PXN: variants seen among roughly 807,000 people sequenced by gnomAD.
PXN encodes the protein paxillin, also known as testicular tissue protein Li 134.
PXN carries 61 observed loss-of-function variants against 103.6 expected under a neutral mutation model. That is an observed-to-expected ratio of 0.59 (90% CI 0.48 to 0.73). The LOEUF is 0.73. PXN is among the 30% of genes least tolerant of loss of function. PXN has a pLI of 0.00. For missense variants in PXN, 1,274 were observed against 1,460.3 expected (o/e 0.87, Z 2.08); for synonymous variants, 562 against 607.8 (o/e 0.92, Z 1.11).
chr12:120,260,189 A>G (rs1012429711), intron 1 of PXN, among the ~76,000 whole-genome samples: 1 of 152,136 alleles, frequency 6.6e-6, no homozygotes, highest in African/African-American at 2.4e-5. Context: ...AGGACCCTGC[A>G]TCCCATCCTG....
chr12:120,245,411 C>T (rs1399282853), intron 1 of PXN, among the ~76,000 whole-genome samples: 6 of 149,152 alleles, frequency 4.0e-5, no homozygotes, highest in Admixed American at 6.7e-5. Context: ...CGTTCTCAGA[C>T]GAGAATGGGA....
intron 1 of PXN, among the ~76,000 whole-genome samples, chr12:120,258,520 C>A (rs887204613): frequency 6.6e-6 from 1 of 152,164 alleles, no homozygotes; most frequent in Non-Finnish European, 1.5e-5. Context: ...TCATTCAGGC[C>A]AACCATAGGC....
intron 7 of PXN, among the ~76,000 whole-genome samples, chr12:120,218,767 T>C (rs1346744117): frequency 6.6e-6 from 1 of 152,264 alleles, no homozygotes; most frequent in African/African-American, 2.4e-5. Flanking sequence ...TTCTAAACAC[T>C]TTCCAGGAAT....
intron 1 of PXN, among the ~76,000 whole-genome samples, chr12:120,230,694 G>T (rs1485469194): frequency 6.6e-6 from 1 of 151,520 alleles, no homozygotes; most frequent in Non-Finnish European, 1.5e-5. Context: ...TAGAGCAGAG[G>T]TAATCTAATC....
chr12:120,234,387 C>T (rs545661671), intron 1 of PXN, among the ~76,000 whole-genome samples: 3 of 151,962 alleles, frequency 2.0e-5, no homozygotes, highest in East Asian at 1.9e-4. Flanking sequence ...CCAGCCTGGG[C>T]GACAGAGTAA....
chr12:120,218,129 C>T (rs1023365626), intron 7 of PXN, among the ~76,000 whole-genome samples: 1 of 149,826 alleles, frequency 6.7e-6, no homozygotes, highest in Non-Finnish European at 1.5e-5. Flanking sequence ...ACTGCAGCCT[C>T]AAACTCCTGG....
chr12:120,261,386 TCAC>T (rs1893862406), intron 1 of PXN, among the ~76,000 whole-genome samples: 1 of 152,154 alleles, frequency 6.6e-6, no homozygotes, highest in South Asian at 2.1e-4. Flanking sequence ...AGATTGGGTT[TCAC>T]CACATTGGCC....
intron 1 of PXN, among the ~76,000 whole-genome samples, chr12:120,263,718 A>C (rs1020900300): frequency 6.6e-6 from 1 of 152,218 alleles, no homozygotes; most frequent in African/African-American, 2.4e-5. Flanking sequence ...AGTACTCCAC[A>C]AACAGCAATT....
Position 120,215,022 on chromosome 12 carries a change from C to T in PXN, c.2575-24G>A, listed in dbSNP as rs1199907788. On this transcript the variant is annotated intron_variant, in intron 11 of 14. Transcript: ENST00000637617. The surrounding 1 kb of genome is among the most constrained non-coding windows in gnomAD (Gnocchi z 4.9). ...ACCTGAGGAGGAGATGGAATGCGGT[C>T]CAGGGCCAAGGCCAGCCCCGGAGCA... is the stretch of plus-strand genomic sequence containing the variant. 2.5e-6 allele frequency: 4 copies of T among 1,609,938 alleles called. No individual in the cohort carries two copies. In the African/African-American group the frequency reaches 4.0e-5, roughly 16 times the overall value.
rs967903859 is a variant in PXN, at chr12:120,219,155, C to A, written c.1716+52G>T. ...CATGCAGTTAGCGAGGAGCGGCCCA[C>A]ACTCAGACCCGCCAATGGCCATGCC... is the stretch of plus-strand genomic sequence containing the variant. On this transcript the variant is annotated intron_variant, in intron 7 of 14. Transcript: ENST00000637617. This position sits in a 1 kb window ranked among gnomAD's most constrained non-coding sequence, Gnocchi z 6.5. The A allele has an allele frequency of 6.8e-7, 1 of 1,469,834 alleles. No individual in the cohort carries two copies. Among genetic ancestry groups the A allele is most frequent in the African/African-American group, 1.4e-5 (1 of 71,240 alleles). The allele number at this position is 1,469,834 out of a possible 1,614,324, so 91.0% of individuals were successfully genotyped here. A position where few individuals can be genotyped will look rare whatever the true frequency, so the allele number is the denominator to read the frequency against.
At chr12:120,255,820 C>T (rs536149667) in intron 1 of PXN, among the ~76,000 whole-genome samples, 4 of 151,630 alleles carry the variant, frequency 2.6e-5, no homozygotes, top group South Asian at 2.1e-4. Flanking sequence ...CCGAGGTGGG[C>T]GGATTACCTG....
intron 1 of PXN, among the ~76,000 whole-genome samples, chr12:120,231,576 T>C (rs936831639): frequency 2.6e-5 from 4 of 151,852 alleles, no homozygotes; most frequent in Non-Finnish European, 5.9e-5. Context: ...GAGGGGGTGG[T>C]CATTTGGATG....
chr12:120,221,543 A>T lies in PXN; in HGVS notation c.831+80T>A, dbSNP rs1885150982. 1.5e-5 allele frequency: 22 copies of T among 1,443,460 alleles called. 1 individual carries two copies. The East Asian group carries it at 5.3e-4, about 35-fold the overall frequency. The allele number at this position is 1,443,460 out of a possible 1,614,324, so 89.4% of individuals were successfully genotyped here. On this transcript the variant is annotated intron_variant, in intron 6 of 14. Transcript: ENST00000637617. The surrounding 1 kb of genome is among the most constrained non-coding windows in gnomAD (Gnocchi z 6.6). ...CCCAAACACTGAGATGCCAAGATCCAGCTACCCACACTGAGGTAAGGGAGG... is the reference window on the plus strand; with the variant it reads ...CCCAAACACTGAGATGCCAAGATCCTGCTACCCACACTGAGGTAAGGGAGG...
chr12:120,240,650 G>A (rs912060054), intron 1 of PXN, among the ~76,000 whole-genome samples: 1 of 152,194 alleles, frequency 6.6e-6, no homozygotes, highest in Non-Finnish European at 1.5e-5. Flanking sequence ...GAAGGGCACT[G>A]CTGATCCTCC....
chr12:120,222,830 C>G lies in PXN; in HGVS notation c.493+33G>C. On this transcript the variant is annotated intron_variant, in intron 4 of 14. Transcript: ENST00000637617. The surrounding 1 kb of genome is among the most constrained non-coding windows in gnomAD (Gnocchi z 4.7). The stretch of plus-strand genomic sequence containing the variant: ...GAGGTCAGCAGATGGGCCCTGGGCC[C>G]TGGTAGACCCTGCCCCAGGGACCCG... The G allele has an allele frequency of 6.2e-7, 1 of 1,610,486 alleles. No individual in the cohort carries two copies. Among genetic ancestry groups the G allele is most frequent in the East Asian group, 2.2e-5 (1 of 44,742 alleles).
chr12:120,246,528 AAAAAAGAAAAAAGAAAAG>A (rs1259854977), intron 1 of PXN, among the ~76,000 whole-genome samples: 29 of 149,280 alleles, frequency 1.9e-4, no homozygotes, highest in African/African-American at 6.9e-4. Flanking sequence ...AAAAAAAAAA[AAAAAAGAAAAAAGAAAAG>A]AAAAAGAAAA....
At chr12:120,239,625 T>C (rs983997141) in intron 1 of PXN, among the ~76,000 whole-genome samples, 15 of 151,994 alleles carry the variant, frequency 9.9e-5, no homozygotes, top group African/African-American at 2.9e-4. Flanking sequence ...TGCATGCCTG[T>C]AATCCCAGCT....
chr12:120,263,624 G>T (rs1033502736), intron 1 of PXN, among the ~76,000 whole-genome samples: 4 of 152,204 alleles, frequency 2.6e-5, no homozygotes, highest in Non-Finnish European at 5.9e-5. Context: ...CTGTAAAAAG[G>T]CAGGTGGTCA....
At chr12:120,260,836 A>G (rs956380666) in intron 1 of PXN, among the ~76,000 whole-genome samples, 2 of 152,170 alleles carry the variant, frequency 1.3e-5, no homozygotes. Flanking sequence ...GCGTTACGGC[A>G]TATGCCTGTA....
Sources: allele counts gnomAD v4.1 joint callset (sites outside exome capture counted in the v4.1 genomes callset), GRCh38; gene constraint gnomAD v4.1.1; non-coding constraint Gnocchi (gnomAD v3.1); transcripts MANE v1.5; gene names NCBI Gene and HGNC (gene_info 2026-07-23, HGNC 2026-07-21).